SMAD1: variants seen among roughly 807,000 people sequenced by gnomAD.
SMAD1 encodes the protein MAD, mothers against decapentaplegic homolog 1.
In SMAD1, 6 loss-of-function variants were observed where a neutral mutation model predicts 41.6. That is an observed-to-expected ratio of 0.14 (90% CI 0.08 to 0.28). The LOEUF (loss-of-function observed/expected upper bound fraction) is 0.28, where lower values mean the gene tolerates loss of function less well. Among genes scored for constraint, SMAD1 ranks in the 10% least tolerant of loss-of-function variants. The pLI is 1.00. For synonymous variants in SMAD1, 206 were observed against 203.2 expected (o/e 1.01, Z -0.12); for missense variants, 379 against 582.6 (o/e 0.65, Z 3.60).
intron 1 of SMAD1, among the ~76,000 whole-genome samples, chr4:145,491,676 G>A (rs1728774110): frequency 6.6e-6 from 1 of 152,298 alleles, no homozygotes; most frequent in Middle Eastern, 3.4e-3. Context: ...ACAAAGTAGA[G>A]TTATAAGAGG....
At chr4:145,546,048 A>T (rs778560861) in intron 4 of SMAD1, 1 of 152,506 alleles carries the variant, frequency 6.6e-6, no homozygotes, top group Non-Finnish European at 1.5e-5. Context: ...GGAAGTTAGC[A>T]TGAAATCTGG....
In SMAD1 at chr4:145,554,142, T is replaced by C. The variant is rs1176006124; in HGVS notation, c.1254+102T>C. The C allele has an allele frequency of 3.8e-6, 4 of 1,043,244 alleles. No individual in the cohort carries two copies. In the Admixed American group the frequency reaches 7.1e-5, roughly 18 times the overall value. 64.6% of individuals were successfully genotyped at this position (1,043,244 alleles called of 1,614,324 possible). A position where few individuals can be genotyped will look rare whatever the true frequency, so the allele number is the denominator to read the frequency against. ...ATGAATCTATATCCTCTTGATAACA[T>C]ATTATCATATTAGCTGACTTATTAT... On this transcript the variant is annotated intron_variant, in intron 6 of 6. Transcript: ENST00000302085.
At chr4:145,494,678 C>T (rs1054586190) in intron 1 of SMAD1, among the ~76,000 whole-genome samples, 12 of 152,162 alleles carry the variant, frequency 7.9e-5, no homozygotes, top group Non-Finnish European at 1.8e-4. Context: ...ACATTAAGAA[C>T]GGTTGGGCTG....
chr4:145,531,258 A>G (rs1731305663), intron 2 of SMAD1, among the ~76,000 whole-genome samples: 2 of 152,220 alleles, frequency 1.3e-5, no homozygotes, highest in Non-Finnish European at 2.9e-5. Flanking sequence ...TATACTATTA[A>G]TTTTAAGTGT....
chr4:145,495,402 A>C (rs1256624397), intron 1 of SMAD1, among the ~76,000 whole-genome samples: 1 of 152,192 alleles, frequency 6.6e-6, no homozygotes, highest in Non-Finnish European at 1.5e-5. Context: ...ATTGTGACTT[A>C]CAACTGTGTA....
intron 1 of SMAD1, among the ~76,000 whole-genome samples, chr4:145,506,274 T>A (rs939594766): frequency 6.6e-6 from 1 of 152,232 alleles, no homozygotes; most frequent in Non-Finnish European, 1.5e-5. Flanking sequence ...CTTTGTGCCA[T>A]GATTTTTTAC....
At chr4:145,546,621 T>C in intron 4 of SMAD1, 82 bp from the exon 5 acceptor site, 1 of 957,898 alleles carries the variant, frequency 1.0e-6, no homozygotes, top group Non-Finnish European at 1.7e-6. Context: ...TCCATGATCC[T>C]GAGCCAATTC....
intron 6 of SMAD1, among the ~76,000 whole-genome samples, chr4:145,556,305 G>A (rs538832798): frequency 3.5e-4 from 53 of 152,174 alleles, no homozygotes; most frequent in African/African-American, 1.3e-3. Context: ...CTATCTGATG[G>A]AGGAAACCTG....
chr4:145,524,227 C>T (rs1730910345), intron 2 of SMAD1, among the ~76,000 whole-genome samples: 1 of 152,152 alleles, frequency 6.6e-6, no homozygotes, highest in Admixed American at 6.6e-5. Flanking sequence ...TTACTAGAAA[C>T]ATGAAATAAT....
intron 1 of SMAD1, among the ~76,000 whole-genome samples, chr4:145,512,665 T>G (rs11938489): frequency 0.013 from 1,932 of 152,312 alleles, 38 homozygotes; most frequent in African/African-American, 0.044. Context: ...CATTAATACT[T>G]TAAAGTCTGT....
intron 2 of SMAD1, among the ~76,000 whole-genome samples, chr4:145,515,962 A>G (rs1730361144): frequency 6.6e-6 from 1 of 152,222 alleles, no homozygotes; most frequent in South Asian, 2.1e-4. Context: ...ACTAAACTAG[A>G]TCATGTAATA....
chr4:145,554,061 C>T, intron 6 of SMAD1, 21 bp downstream of exon 6: 1 of 1,593,976 alleles, frequency 6.3e-7, no homozygotes. Context: ...TCCGACTCCT[C>T]CATTTAGGGC....
intron 6 of SMAD1, among the ~76,000 whole-genome samples, chr4:145,556,127 A>G (rs1732822924): frequency 6.6e-6 from 1 of 152,226 alleles, no homozygotes; most frequent in African/African-American, 2.4e-5. Flanking sequence ...TAAAATGATC[A>G]TTTTTGGATA....
chr4:145,485,612 T>G (rs1198121411), intron 1 of SMAD1, among the ~76,000 whole-genome samples: 1 of 152,176 alleles, frequency 6.6e-6, no homozygotes, highest in Non-Finnish European at 1.5e-5. Context: ...TGGAAAGACA[T>G]ATATAAACTA....
At chr4:145,507,417 T>C (rs964934635) in intron 1 of SMAD1, among the ~76,000 whole-genome samples, 20 of 152,092 alleles carry the variant, frequency 1.3e-4, no homozygotes, top group Non-Finnish European at 1.5e-5. Context: ...ACGTAGTCTT[T>C]ATGAACATAA....
chr4:145,548,743 G>T (rs1296750003), intron 5 of SMAD1, among the ~76,000 whole-genome samples: 1 of 152,174 alleles, frequency 6.6e-6, no homozygotes, highest in Non-Finnish European at 1.5e-5. Flanking sequence ...ATGAGAATCA[G>T]TTTATTTGCA....
chr4:145,557,977 A>G lies in SMAD1; in HGVS notation c.*43A>G, dbSNP rs757125844. The G allele has an allele frequency of 1.0e-5, 15 of 1,494,158 alleles. No individual in the cohort carries two copies. The highest frequency in any genetic ancestry group is 3.6e-5 in the Admixed American group (2 of 55,628). The allele number at this position is 1,494,158 out of a possible 1,614,324, so 92.6% of individuals were successfully genotyped here. A position where few individuals can be genotyped will look rare whatever the true frequency, so the allele number is the denominator to read the frequency against. ...CCTCTGGAAAACTATTGAGCCTTGC[A>G]TGTACTTGAAGGATGGATGAGTCAG... On this transcript the variant is annotated 3_prime_UTR_variant, in exon 7 of 7. Transcript: ENST00000302085.
At chr4:145,487,682 AT>A (rs1194446987) in intron 1 of SMAD1, among the ~76,000 whole-genome samples, 1 of 152,226 alleles carries the variant, frequency 6.6e-6, no homozygotes, top group Non-Finnish European at 1.5e-5. Flanking sequence ...GCCAAATAGT[AT>A]TAATGTAATT....
upstream of SMAD1, chr4:145,481,080 T>C (rs1728153453): frequency 6.6e-6 from 1 of 152,198 alleles, no homozygotes; most frequent in Admixed American, 6.5e-5. Context: ...TTTCAATGTC[T>C]ATGCAGATCA....
Sources: allele counts gnomAD v4.1 joint callset (sites outside exome capture counted in the v4.1 genomes callset), GRCh38; gene constraint gnomAD v4.1.1; transcripts MANE v1.5; gene names NCBI Gene and HGNC (gene_info 2026-07-23, HGNC 2026-07-21).